Variants in SMTNL2 observed in about 807,000 individuals in gnomAD.
SMTNL2 encodes the protein smoothelin-like protein 2.
In SMTNL2, 43 loss-of-function variants were observed where a neutral mutation model predicts 44.1. The ratio of observed to expected loss-of-function variants is 0.98; its 90% CI spans 0.76 to 1.26. SMTNL2 has a LOEUF of 1.26. SMTNL2 is among the 50% of genes most tolerant of loss of function. The probability of loss-of-function intolerance (pLI) is 0.00; values close to 1 mark genes in which losing one functional copy is unlikely to be tolerated. For missense variants in SMTNL2, 646 were observed against 670.2 expected, an observed-to-expected ratio of 0.96 and a Z score of 0.40; for synonymous variants, 317 against 287.6, an observed-to-expected ratio of 1.10 and a Z score of -1.03.
chr17:4,591,876 C>T (rs1909586528), intron 1 of SMTNL2, among the ~76,000 whole-genome samples: 1 of 152,214 alleles, frequency 6.6e-6, no homozygotes, highest in Non-Finnish European at 1.5e-5. Context: ...ATCTTGTGTC[C>T]CCGCCTCCCA....
intron 1 of SMTNL2, among the ~76,000 whole-genome samples, chr17:4,585,927 C>A (rs568827632): frequency 3.3e-5 from 5 of 152,256 alleles, no homozygotes; most frequent in Non-Finnish European, 7.4e-5. Flanking sequence ...CCTGGAGGTC[C>A]CATCCAGGGT....
At position 4,592,255 on chromosome 17, in the gene SMTNL2, G is replaced by C. The variant is rs1445772582; in HGVS notation, c.400-106G>C. 2 of 1,038,180 alleles carry C rather than the reference G, an allele frequency of 1.9e-6. No individual in the cohort carries two copies. Among genetic ancestry groups the C allele is most frequent in the Non-Finnish European group, 2.9e-6 (2 of 694,094 alleles). The allele number at this position is 1,038,180 out of a possible 1,614,324, so 64.3% of individuals were successfully genotyped here. The stretch of plus-strand genomic sequence containing the variant: ...CCTGGGGGCTGTTTTCTCTCAACAT[G>C]ATTGGTGTTTTGCCAGAACGGGAGG... On this transcript the variant is annotated intron_variant, in intron 1 of 7. Transcript: ENST00000389313. The surrounding 1 kb of genome is among the most constrained non-coding windows in gnomAD (Gnocchi z 4.5).
At chr17:4,594,452 A>AAAATAAAT (rs56017371) in intron 4 of SMTNL2, among the ~76,000 whole-genome samples, 1,514 of 149,312 alleles carry the variant, frequency 0.01, 14 homozygotes, top group African/African-American at 0.025. Flanking sequence ...CTATCTACAA[A>AAAATAAAT]AAATAAATAA....
intron 7 of SMTNL2, among the ~76,000 whole-genome samples, chr17:4,603,322 A>C (rs1910122295): frequency 1.3e-5 from 2 of 152,218 alleles, no homozygotes; most frequent in Non-Finnish European, 2.9e-5. Flanking sequence ...CATGGAAGGA[A>C]GGTTTTCTTC....
intron 6 of SMTNL2, 80 bp from the exon 7 acceptor site, chr17:4,597,092 G>T: frequency 6.4e-7 from 1 of 1,554,428 alleles, no homozygotes; most frequent in East Asian, 2.3e-5. Context: ...TGGGGTTAAG[G>T]GGTAGGAACC....
In SMTNL2 at chr17:4,585,128, G is replaced by A. The variant is rs188197648; in HGVS notation, c.399+124G>A. 95 of 1,149,420 alleles carry A rather than the reference G, an allele frequency of 8.3e-5. No individual in the cohort carries two copies. The African/African-American group carries it at 1.5e-3, about 18-fold the overall frequency. The allele number at this position is 1,149,420 out of a possible 1,614,324, so 71.2% of individuals were successfully genotyped here. A position where few individuals can be genotyped will look rare whatever the true frequency, so the allele number is the denominator to read the frequency against. Reference sequence around the variant, plus strand: ...GGGTTGGGGCCTTCACCGGCCGCTCGGACTAGGTGATGGGGGTCCTGCCGC... The same window carrying A: ...GGGTTGGGGCCTTCACCGGCCGCTCAGACTAGGTGATGGGGGTCCTGCCGC... On this transcript the variant is annotated intron_variant, in intron 1 of 7. Transcript: ENST00000389313.
rs1597411283 is a variant in SMTNL2, at chr17:4,592,806, T to A, written c.488-123T>A. 1 of 1,349,732 alleles carries A rather than the reference T, an allele frequency of 7.4e-7. No individual in the cohort carries two copies. The highest frequency in any genetic ancestry group is 2.4e-5 in the East Asian group (1 of 42,448). The allele number at this position is 1,349,732 out of a possible 1,614,324, so 83.6% of individuals were successfully genotyped here. On this transcript the variant is annotated intron_variant, in intron 2 of 7. Coordinates refer to ENST00000389313, the MANE Select transcript of SMTNL2 (RefSeq NM_001114974.2). This position sits in a 1 kb window ranked among gnomAD's most constrained non-coding sequence, Gnocchi z 4.5. Reference sequence around the variant, plus strand: ...GGGGAGGTCAGAGAGGCTGGAGCAGTCAGGGAGGCCTTCCTAGAGGAGGTG... The same window carrying A: ...GGGGAGGTCAGAGAGGCTGGAGCAGACAGGGAGGCCTTCCTAGAGGAGGTG...
In SMTNL2 at chr17:4,593,214, G is replaced by A. The variant is rs1423495273; in HGVS notation, c.730+43G>A. ...TGGCCTTGGGGCAGACCTCCCCTTG[G>A]GATGGGAGAGGGAAGGCCGGGGCTG... On this transcript the variant is annotated intron_variant, in intron 3 of 7. Transcript: ENST00000389313. 2.0e-6 allele frequency: 3 copies of A among 1,532,198 alleles called. No homozygotes were observed. In the African/African-American group the frequency reaches 4.1e-5, roughly 21 times the overall value. The allele number at this position is 1,532,198 out of a possible 1,614,324, so 94.9% of individuals were successfully genotyped here. A position where few individuals can be genotyped will look rare whatever the true frequency, so the allele number is the denominator to read the frequency against.
chr17:4,591,090 C>A (rs1363228602), intron 1 of SMTNL2, among the ~76,000 whole-genome samples: 2 of 152,216 alleles, frequency 1.3e-5, no homozygotes, highest in Non-Finnish European at 2.9e-5. Flanking sequence ...TCTGAGAAGC[C>A]CTCCTTGCCC....
chr17:4,594,437 A>G (rs953406374), intron 4 of SMTNL2, among the ~76,000 whole-genome samples: 1 of 151,384 alleles, frequency 6.6e-6, no homozygotes. Flanking sequence ...TAACAGAGTG[A>G]GACTCTATCT....
At chr17:4,603,261 AT>A (rs1372042994) in intron 7 of SMTNL2, among the ~76,000 whole-genome samples, 3 of 152,142 alleles carry the variant, frequency 2.0e-5, no homozygotes, top group Non-Finnish European at 4.4e-5. Flanking sequence ...GGTCCTGGGT[AT>A]CCTTTGTGGG....
At position 4,584,965 on chromosome 17, in the gene SMTNL2, C is replaced by T; in HGVS notation, c.360C>T (p.Phe120=). 7.3e-7 allele frequency: 1 copy of T among 1,373,400 alleles called. No homozygotes were observed. Among genetic ancestry groups the T allele is most frequent in the East Asian group, 3.2e-5 (1 of 31,740 alleles). 85.1% of individuals were successfully genotyped at this position (1,373,400 alleles called of 1,614,324 possible). Reference sequence around the variant, plus strand: ...CGCCCCGCCTGGGCAGCGCACGCTTCGCCAGCCACGCCACCTTCTCGCTGT... The same window carrying T: ...CGCCCCGCCTGGGCAGCGCACGCTTTGCCAGCCACGCCACCTTCTCGCTGT... ...DRAPRLGSAR[F]ASHATFSLSG... Residue 120 remains phenylalanine, a synonymous_variant, in exon 1 of 8, where the codon TTC becomes TTT. Coordinates refer to ENST00000389313, the MANE Select transcript of SMTNL2 (RefSeq NM_001114974.2).
Position 4,595,316 on chromosome 17 carries a change from G to A in SMTNL2, c.978G>A (p.Thr326=), listed in dbSNP as rs12103697. 0.26 allele frequency: 423,455 copies of A among 1,611,884 alleles called. 58,458 individuals are homozygous for A. The highest frequency in any genetic ancestry group is 0.3 in the Middle Eastern group (1,780 of 6,006). Residue 326 remains threonine (T), a synonymous_variant, in exon 5 of 8, where the codon ACG becomes ACA. Coordinates refer to ENST00000389313, the MANE Select transcript of SMTNL2 (RefSeq NM_001114974.2). The surrounding 1 kb of genome is among the most constrained non-coding windows in gnomAD (Gnocchi z 5.1). ...KALFEKWEQE[T]AAGKGKGEAR... is the part of the protein sequence containing the mutation. ...TGTTTGAGAAGTGGGAGCAGGAAAC[G>A]GCGGCCGGCAAGTACGGATGCCCAC...
chr17:4,588,473 C>T (rs1471991882), intron 1 of SMTNL2, among the ~76,000 whole-genome samples: 1 of 152,204 alleles, frequency 6.6e-6, no homozygotes, highest in Non-Finnish European at 1.5e-5. Context: ...AGCCCCAGGG[C>T]TCTCCAGCGA....
chr17:4,593,738 C>A, intron 3 of SMTNL2, 84 bp from the exon 4 acceptor site: 2 of 1,383,860 alleles, frequency 1.4e-6, no homozygotes, highest in East Asian at 2.3e-5. Context: ...GTAAATGAGG[C>A]AGGGCTGGGT....
At position 4,607,709 on chromosome 17, in the gene SMTNL2, AG is replaced by A; in HGVS notation, c.*224del. 1.8e-6 allele frequency: 1 copy of A among 549,990 alleles called. No homozygotes were observed. Among genetic ancestry groups the A allele is most frequent in the Non-Finnish European group, 3.0e-6 (1 of 336,608 alleles). 34.1% of individuals were successfully genotyped at this position (549,990 alleles called of 1,614,324 possible). Reference sequence around the variant, plus strand: ...GCACTGATCACAGCCAAGGGCTTGGAGGAAAAGGAAAAATTATGAGAGAGAG... The same window carrying A: ...GCACTGATCACAGCCAAGGGCTTGGAGAAAAGGAAAAATTATGAGAGAGAG... On this transcript the variant is annotated 3_prime_UTR_variant, in exon 8 of 8. Coordinates refer to ENST00000389313, the MANE Select transcript of SMTNL2 (RefSeq NM_001114974.2). This position sits in a 1 kb window ranked among gnomAD's most constrained non-coding sequence, Gnocchi z 4.7.
rs1405161755 is a variant in SMTNL2, at chr17:4,598,486, C to A, written c.1259+1163C>A. ...TCAGCCTCTGACGTCGGTCTACAAC[C>A]GACCTTGTTTGTTTCTGGTCTGAGT... On this transcript the variant is annotated intron_variant, in intron 7 of 7. Transcript: ENST00000389313. The surrounding 1 kb of genome is among the most constrained non-coding windows in gnomAD (Gnocchi z 4.8). Among the ~76,000 whole-genome samples, 3 of 152,170 alleles carry A rather than the reference C, an allele frequency of 2.0e-5. No homozygotes were observed. The highest frequency in any genetic ancestry group is 3.9e-4 in the East Asian group (2 of 5,176).
In SMTNL2 at chr17:4,597,267, C is replaced by T. The variant is rs780305444; in HGVS notation, c.1203C>T (p.Asn401=). The change falls in exon 7 of 8, where the codon AAC becomes AAT. Residue 401 remains asparagine (N), a synonymous_variant. Transcript: ENST00000389313. ...TCTTCCCCGATGCCTTTGACTACAA[C>T]TCCCTGAGCCCCACGCAGAGGCAGA... ...HSFFPDAFDY[N]SLSPTQRQKN... The T allele has an allele frequency of 1.2e-6, 2 of 1,614,058 alleles. No individual in the cohort carries two copies. The highest frequency in any genetic ancestry group is 1.7e-5 in the Admixed American group (1 of 60,004).
chr17:4,584,631 A>C lies in SMTNL2; in HGVS notation c.26A>C (p.Glu9Ala), dbSNP rs997523207. The part of the protein sequence containing the change: MEPAPDAQ[E>A]ARTVREALGR... ...ATGGAGCCGGCCCCCGACGCCCAGG[A>C]GGCGCGCACTGTGCGCGAGGCGCTG... The change falls in exon 1 of 8, where the codon GAG becomes GCG. Residue 9 changes from glutamate (E) to alanine (A), a missense_variant. Transcript: ENST00000389313. 9 of 1,247,694 alleles carry C rather than the reference A, an allele frequency of 7.2e-6. No individual in the cohort carries two copies. In the African/African-American group the frequency reaches 1.4e-4, roughly 20 times the overall value. 77.3% of individuals were successfully genotyped at this position (1,247,694 alleles called of 1,614,324 possible).
Sources: allele counts gnomAD v4.1 joint callset (sites outside exome capture counted in the v4.1 genomes callset), GRCh38; gene constraint gnomAD v4.1.1; non-coding constraint Gnocchi (gnomAD v3.1); transcripts MANE v1.5; gene names NCBI Gene and HGNC (gene_info 2026-07-23, HGNC 2026-07-21).